Variants in GEMIN5 observed in about 807,000 individuals in gnomAD.
GEMIN5 encodes gem nuclear organelle associated protein 5, also known as gem-associated protein 5.
A neutral mutation model predicts 176.9 loss-of-function variants in GEMIN5; 124 were observed. The ratio of observed to expected loss-of-function variants is 0.70; its 90% CI spans 0.61 to 0.81. GEMIN5 has a LOEUF of 0.81. GEMIN5 is among the 40% of genes least tolerant of loss of function. The probability of loss-of-function intolerance (pLI) is 0.00; values close to 1 mark genes in which losing one functional copy is unlikely to be tolerated. For missense variants in GEMIN5, 1,843 were observed against 1,814.6 expected, an observed-to-expected ratio of 1.02 and a Z score of -0.28; for synonymous variants, 673 against 665.2, an observed-to-expected ratio of 1.01 and a Z score of -0.18.
intron 9 of GEMIN5, among the ~76,000 whole-genome samples, chr5:154,923,145 T>G (rs569478752): frequency 6.6e-6 from 1 of 152,052 alleles, no homozygotes; most frequent in African/African-American, 2.4e-5. Flanking sequence ...TTTGGGAGGC[T>G]GAGGGTGGAT....
At chr5:154,894,280 T>C (rs1561709133) in intron 24 of GEMIN5, among the ~76,000 whole-genome samples, 1 of 152,188 alleles carries the variant, frequency 6.6e-6, no homozygotes, top group Non-Finnish European at 1.5e-5. Context: ...TTTCACTGCA[T>C]AGACACAACA....
chr5:154,893,254 C>CT (rs1448770157), intron 24 of GEMIN5, among the ~76,000 whole-genome samples: 5 of 39,850 alleles, frequency 1.3e-4, no homozygotes, highest in Non-Finnish European at 2.0e-4. Flanking sequence ...AAGCCCGTCT[C>CT]TAAAAAAAAA....
chr5:154,926,348 G>A (rs1281718143), intron 7 of GEMIN5, among the ~76,000 whole-genome samples: 2 of 152,086 alleles, frequency 1.3e-5, no homozygotes, highest in Non-Finnish European at 2.9e-5. Context: ...CTCCAAGTTC[G>A]GTGGTCTTTC....
chr5:154,904,616 C>T lies in GEMIN5; in HGVS notation c.2523G>A (p.Lys841=), dbSNP rs1415417194. 2 of 1,611,412 alleles carry T rather than the reference C, an allele frequency of 1.2e-6. No homozygotes were observed. Among genetic ancestry groups the T allele is most frequent in the Admixed American group, 3.3e-5 (2 of 59,962 alleles). Residue 841 remains lysine, a synonymous_variant, in exon 18 of 28, where the codon AAG becomes AAA. Coordinates refer to ENST00000285873, the MANE Select transcript of GEMIN5 (RefSeq NM_015465.5). ...PPKEKPETLI[K]KRKARSLLPL... is the part of the protein sequence containing the mutation. Reference sequence around the variant, plus strand: ...GAAGCAAGGAACGAGCTTTTCTCTTCTTGATTAAGGTTTCTGAAATTTAAT... The same window carrying T: ...GAAGCAAGGAACGAGCTTTTCTCTTTTTGATTAAGGTTTCTGAAATTTAAT...
Position 154,914,430 on chromosome 5 carries a change from GA to G in GEMIN5, c.1856-1393del, listed in dbSNP as rs375618770. Reference sequence around the variant, plus strand: ...ATCCTGCATTGGAATCTGCACTGGAGAAAAAAAAAATCACTATTAAGAACAT... The same window carrying G: ...ATCCTGCATTGGAATCTGCACTGGAGAAAAAAAAATCACTATTAAGAACAT... On this transcript the variant is annotated intron_variant, in intron 13 of 27. Coordinates refer to ENST00000285873, the MANE Select transcript of GEMIN5 (RefSeq NM_015465.5). Among the ~76,000 whole-genome samples the G allele has an allele frequency of 2.0e-3, 290 of 142,312 alleles. 4 individuals carry two copies. In the East Asian group the frequency reaches 0.025, roughly 12 times the overall value. The allele number at this position is 142,312 out of a possible 152,430, so 93.4% of individuals were successfully genotyped here. A position where few individuals can be genotyped will look rare whatever the true frequency, so the allele number is the denominator to read the frequency against.
chr5:154,896,321 A>G lies in GEMIN5; in HGVS notation c.3368T>C (p.Leu1123Pro). ...CAGATGCCTGGACAGTAGCTCCAGAAGGCAAAACACCAATCTCTGACCCTG... is the reference window on the plus strand; with the variant it reads ...CAGATGCCTGGACAGTAGCTCCAGAGGGCAAAACACCAATCTCTGACCCTG... ...SLQGQRLVFC[L>P]LELLSRHLEE... Residue 1123 changes from leucine to proline, a missense_variant, in exon 24 of 28, where the codon CTT (leucine) becomes CCT (proline). Physicochemically the swap from Leu to Pro is moderately conservative, Grantham distance 98 (BLOSUM62 -3). Transcript: ENST00000285873. 2 of 1,592,870 alleles carry G rather than the reference A, an allele frequency of 1.3e-6. No individual in the cohort carries two copies. Among genetic ancestry groups the G allele is most frequent in the Non-Finnish European group, 1.7e-6 (2 of 1,171,016 alleles).
intron 18 of GEMIN5, among the ~76,000 whole-genome samples, chr5:154,903,884 C>A (rs1763518558): frequency 6.6e-6 from 1 of 151,762 alleles, no homozygotes; most frequent in Non-Finnish European, 1.5e-5. Flanking sequence ...CCAGGCTGGC[C>A]TTAAAGTGAG....
intron 5 of GEMIN5, among the ~76,000 whole-genome samples, chr5:154,929,557 T>A (rs1029897388): frequency 6.6e-6 from 1 of 152,198 alleles, no homozygotes; most frequent in African/African-American, 2.4e-5. Flanking sequence ...TCAGTAGATC[T>A]GAGGTGGGGT....
At chr5:154,911,446 G>A (rs897634115) in intron 15 of GEMIN5, among the ~76,000 whole-genome samples, 11 of 152,164 alleles carry the variant, frequency 7.2e-5, no homozygotes, top group African/African-American at 2.7e-4. Flanking sequence ...CCAGGAGGTG[G>A]AGGCTGCAGC....
chr5:154,902,138 T>C (rs773803817), intron 20 of GEMIN5, among the ~76,000 whole-genome samples: 1 of 151,908 alleles, frequency 6.6e-6, no homozygotes. Context: ...CAAGGTCTCA[T>C]GATGTTGCCC....
rs1345395201 is a variant in GEMIN5 at position 154,887,775 on chromosome 5, G to C, written c.*435C>G. On this transcript the variant is annotated 3_prime_UTR_variant, in exon 28 of 28. Transcript: ENST00000285873. ...ATATTATAAAAACAATTAAAAAAAGGTATCAATAGTCCTAAAATGCAGCAA... is the reference window on the plus strand; with the variant it reads ...ATATTATAAAAACAATTAAAAAAAGCTATCAATAGTCCTAAAATGCAGCAA... 2 of 155,404 alleles carry C rather than the reference G, an allele frequency of 1.3e-5. No individual in the cohort carries two copies. The allele number at this position is 155,404 out of a possible 1,614,324, so 9.6% of individuals were successfully genotyped here.
intron 15 of GEMIN5, among the ~76,000 whole-genome samples, chr5:154,911,080 T>C (rs1260660142): frequency 6.6e-6 from 1 of 152,182 alleles, no homozygotes; most frequent in Non-Finnish European, 1.5e-5. Context: ...TTTTGACATG[T>C]CTCCTGAATT....
At chr5:154,907,890 C>T in intron 15 of GEMIN5, 72 bp from the exon 16 acceptor site, 1 of 973,070 alleles carries the variant, frequency 1.0e-6, no homozygotes, top group Non-Finnish European at 1.6e-6. Flanking sequence ...TGGTAAACTC[C>T]AATATCTCAT....
At chr5:154,902,882 G>A (rs749866513) in intron 19 of GEMIN5, among the ~76,000 whole-genome samples, 198 bp downstream of exon 19, 1 of 152,204 alleles carries the variant, frequency 6.6e-6, no homozygotes, top group Non-Finnish European at 1.5e-5. Flanking sequence ...TGTACTCAGA[G>A]TGAATGCTGT....
intron 15 of GEMIN5, among the ~76,000 whole-genome samples, chr5:154,910,399 C>T (rs138779297): frequency 6.6e-6 from 1 of 152,324 alleles, no homozygotes; most frequent in East Asian, 1.9e-4. Flanking sequence ...CATCCTCCTG[C>T]CTCGGCATCC....
chr5:154,917,812 A>T (rs1024802050), intron 12 of GEMIN5, 119 bp downstream of exon 12: 12 of 708,078 alleles, frequency 1.7e-5, no homozygotes, highest in East Asian at 1.3e-4. Flanking sequence ...ATCAAGAATA[A>T]ATCAAAATAC....
At chr5:154,901,255 A>G in intron 21 of GEMIN5, 84 bp downstream of exon 21, 2 of 1,310,036 alleles carry the variant, frequency 1.5e-6, no homozygotes. Context: ...TGTTTCTTCT[A>G]TTTATGTTAC....
At chr5:154,910,352 T>TC (rs565691531) in intron 15 of GEMIN5, among the ~76,000 whole-genome samples, 141 of 152,198 alleles carry the variant, frequency 9.3e-4, no homozygotes, top group Non-Finnish European at 1.0e-3. Context: ...TGTCCCCCTA[T>TC]GTTGTCCAGG....
intron 5 of GEMIN5, among the ~76,000 whole-genome samples, chr5:154,929,081 G>A (rs1337629668): frequency 6.6e-5 from 10 of 152,026 alleles, no homozygotes; most frequent in Admixed American, 3.9e-4. Flanking sequence ...AAAATTAGCC[G>A]GGCGTGGTGG....
Sources: allele counts gnomAD v4.1 joint callset (sites outside exome capture counted in the v4.1 genomes callset), GRCh38; gene constraint gnomAD v4.1.1; transcripts MANE v1.5; gene names NCBI Gene and HGNC (gene_info 2026-07-23, HGNC 2026-07-21).